SLC24A2: variants seen among roughly 807,000 people sequenced by gnomAD.
SLC24A2 encodes the protein sodium/potassium/calcium exchanger 2.
SLC24A2 carries 36 observed loss-of-function variants against 62.0 expected under a neutral mutation model. The ratio of observed to expected loss-of-function variants is 0.58; its 90% CI spans 0.44 to 0.77. The LOEUF (loss-of-function observed/expected upper bound fraction) is 0.77. Ranked by LOEUF, SLC24A2 falls within the 30% of genes least tolerant of loss-of-function variation. The probability of loss-of-function intolerance (pLI) is 0.00; values close to 1 mark genes in which losing one functional copy is unlikely to be tolerated. For synonymous variants in SLC24A2, 358 were observed against 294.0 expected (o/e 1.22, Z -2.23); for missense variants, 846 against 817.9 (o/e 1.03, Z -0.42).
At chr9:20,050,056 G>C in the SLC24A2 span, among the ~76,000 whole-genome samples, 3 of 151,940 alleles carry the variant, frequency 2.0e-5, no homozygotes, top group Non-Finnish European at 4.4e-5. Flanking sequence ...CAGGAAAATG[G>C]TATGAAATAT....
chr9:19,698,829 G>T (rs1197408242), intron 2 of SLC24A2, among the ~76,000 whole-genome samples: 1 of 152,142 alleles, frequency 6.6e-6, no homozygotes, highest in African/African-American at 2.4e-5. Context: ...TTTTGTATGG[G>T]AATTGTACCA....
chr9:20,212,163 A>G, the SLC24A2 span, among the ~76,000 whole-genome samples: 842 of 151,974 alleles, frequency 5.5e-3, 18 homozygotes, highest in Non-Finnish European at 8.0e-3. Flanking sequence ...CCCAAAATAG[A>G]TATCAAAATA....
At chr9:19,646,850 C>G (rs113199160) in intron 2 of SLC24A2, among the ~76,000 whole-genome samples, 2 of 152,030 alleles carry the variant, frequency 1.3e-5, no homozygotes, top group African/African-American at 4.8e-5. Context: ...CATATATGTA[C>G]ACATGCACAT....
At chr9:19,783,957 A>T (rs1359639531) in intron 2 of SLC24A2, among the ~76,000 whole-genome samples, 4 of 152,136 alleles carry the variant, frequency 2.6e-5, no homozygotes, top group African/African-American at 9.7e-5. Flanking sequence ...TCAGAAACAG[A>T]AATAGTTATG....
At chr9:19,654,976 C>A (rs781736677) in intron 2 of SLC24A2, among the ~76,000 whole-genome samples, 2 of 152,220 alleles carry the variant, frequency 1.3e-5, no homozygotes, top group Non-Finnish European at 2.9e-5. Flanking sequence ...ACTTTCCTTA[C>A]AAATACTCAT....
the SLC24A2 span, among the ~76,000 whole-genome samples, chr9:20,248,961 GT>G: frequency 6.6e-6 from 1 of 152,160 alleles, no homozygotes; most frequent in Non-Finnish European, 1.5e-5. Context: ...GTTGCTGAAT[GT>G]AGACCACAGC....
the SLC24A2 span, among the ~76,000 whole-genome samples, chr9:20,226,358 G>C: frequency 7.2e-5 from 11 of 152,230 alleles, no homozygotes; most frequent in Non-Finnish European, 1.5e-4. Flanking sequence ...ACATCAGTCG[G>C]TAATGATTTG....
the SLC24A2 span, among the ~76,000 whole-genome samples, chr9:20,113,585 T>C: frequency 6.6e-6 from 1 of 152,224 alleles, no homozygotes; most frequent in Non-Finnish European, 1.5e-5. Flanking sequence ...ATAATTATTC[T>C]ATATTGGTTA....
chr9:19,943,819 T>C, the SLC24A2 span, among the ~76,000 whole-genome samples: 1 of 152,202 alleles, frequency 6.6e-6, no homozygotes, highest in African/African-American at 2.4e-5. Flanking sequence ...CTCCAACTTA[T>C]CTCTTCATTC....
chr9:20,079,331 T>A, the SLC24A2 span, among the ~76,000 whole-genome samples: 2 of 152,362 alleles, frequency 1.3e-5, no homozygotes, highest in African/African-American at 4.8e-5. Context: ...AATACTCTTG[T>A]TAAAGTTGCA....
the SLC24A2 span, among the ~76,000 whole-genome samples, chr9:20,192,764 T>C: frequency 6.6e-6 from 1 of 152,292 alleles, no homozygotes; most frequent in African/African-American, 2.4e-5. Flanking sequence ...CAGTATTTTT[T>C]TGAAGCTCCT....
chr9:19,761,492 A>ATT (rs1564085812), intron 2 of SLC24A2, among the ~76,000 whole-genome samples: 1 of 148,876 alleles, frequency 6.7e-6, no homozygotes, highest in South Asian at 2.2e-4. Context: ...ATTTTATTTT[A>ATT]TTATTATACT....
At chr9:19,824,125 G>A in the SLC24A2 span, among the ~76,000 whole-genome samples, 1 of 152,166 alleles carries the variant, frequency 6.6e-6, no homozygotes, top group Non-Finnish European at 1.5e-5. Flanking sequence ...AGGACTTCAT[G>A]TCTAAAACAC....
At chr9:20,175,958 G>C in the SLC24A2 span, among the ~76,000 whole-genome samples, 3 of 152,018 alleles carry the variant, frequency 2.0e-5, no homozygotes, top group African/African-American at 7.2e-5. Flanking sequence ...AGATCATGGA[G>C]AGGGTGTGAG....
At chr9:19,864,377 AC>A in the SLC24A2 span, among the ~76,000 whole-genome samples, 1 of 151,922 alleles carries the variant, frequency 6.6e-6, no homozygotes, top group South Asian at 2.1e-4. Context: ...AGAAAAAAAA[AC>A]AACAACAAAA....
chr9:19,938,306 C>T, the SLC24A2 span, among the ~76,000 whole-genome samples: 1 of 152,036 alleles, frequency 6.6e-6, no homozygotes, highest in African/African-American at 2.4e-5. Context: ...TTGATAGGTT[C>T]TTTAATATAC....
chr9:19,586,011 C>A (rs1342140972), intron 5 of SLC24A2, among the ~76,000 whole-genome samples: 2 of 152,220 alleles, frequency 1.3e-5, no homozygotes, highest in African/African-American at 4.8e-5. Context: ...GCATCTCCTG[C>A]ATCCTCCTGA....
At chr9:19,646,889 T>C (rs1818651564) in intron 2 of SLC24A2, among the ~76,000 whole-genome samples, 1 of 152,018 alleles carries the variant, frequency 6.6e-6, no homozygotes. Flanking sequence ...GGAAAGGAGT[T>C]ATCAATTCTT....
upstream of SLC24A2, among the ~76,000 whole-genome samples, chr9:19,793,795 T>G (rs1414058919): frequency 6.6e-6 from 1 of 152,202 alleles, no homozygotes; most frequent in African/African-American, 2.4e-5. Flanking sequence ...TTTTTCCTGT[T>G]GAGATTATAT....
Sources: allele counts gnomAD v4.1 joint callset (sites outside exome capture counted in the v4.1 genomes callset), GRCh38; gene constraint gnomAD v4.1.1; transcripts MANE v1.5; gene names NCBI Gene and HGNC (gene_info 2026-07-23, HGNC 2026-07-21).